Variants in NBEAL1 observed in about 807,000 individuals in gnomAD.
NBEAL1 encodes neurobeachin-like protein 1.
Under a neutral mutation model 351.3 loss-of-function variants are expected in NBEAL1, and 273 were observed. The ratio of observed to expected loss-of-function variants is 0.78; its 90% confidence interval spans 0.70 to 0.86. The LOEUF (loss-of-function observed/expected upper bound fraction) is 0.86. Among genes scored for constraint, NBEAL1 ranks in the 40% least tolerant of loss-of-function variants. The pLI is 0.00. For synonymous variants in NBEAL1, 1,050 were observed against 1,086.4 expected, an observed-to-expected ratio of 0.97 and a Z score of 0.66; for missense variants, 2,961 against 3,201.3, an observed-to-expected ratio of 0.92 and a Z score of 1.81.
chr2:203,180,475 A>G lies in NBEAL1; in HGVS notation c.6558A>G (p.Glu2186=). Residue 2186 remains glutamate, a synonymous_variant, in exon 43 of 56, where the codon GAA becomes GAG. Transcript: ENST00000683969. Reference sequence around the variant, plus strand: ...ATGATGTTAAAGAACTTATTCCTGAATTCTTCTATTTCCCAGAGTTTTTGG... The same window carrying G: ...ATGATGTTAAAGAACTTATTCCTGAGTTCTTCTATTTCCCAGAGTTTTTGG... ...NPYDVKELIP[E]FFYFPEFLEN... 1.9e-6 allele frequency: 3 copies of G among 1,611,564 alleles called. No homozygotes were observed. Among genetic ancestry groups the G allele is most frequent in the Non-Finnish European group, 2.5e-6 (3 of 1,178,968 alleles).
intron 2 of NBEAL1, among the ~76,000 whole-genome samples, chr2:203,035,408 A>G (rs1157726265): frequency 6.7e-6 from 1 of 149,460 alleles, no homozygotes; most frequent in Non-Finnish European, 1.5e-5. Context: ...AAAAAGAAAG[A>G]TTATTTGTCT....
At position 203,142,890 on chromosome 2, in the gene NBEAL1, G is replaced by T. The variant is rs183896185; in HGVS notation, c.4849-1710G>T. Among the ~76,000 whole-genome samples, 151 of 152,206 alleles carry T rather than the reference G, an allele frequency of 9.9e-4. 1 individual carries two copies. Among genetic ancestry groups the T allele is most frequent in the African/African-American group, 3.5e-3 (144 of 41,534 alleles). On this transcript the variant is annotated intron_variant, in intron 31 of 55. Coordinates refer to ENST00000683969, the MANE Select transcript of NBEAL1 (RefSeq NM_001378026.1). ...TGGGGGAAAATATGAGCAGGGTAGA[G>T]AAGTCAGAGCTTTGAGTCATGTTAG...
Position 203,223,339 on chromosome 2 carries a change from G to A in NBEAL1, c.*5985G>A, listed in dbSNP as rs2065970004. On this transcript the variant is annotated 3_prime_UTR_variant, in exon 56 of 56. Transcript: ENST00000683969. ...TCATGTTTCCTTGGAAACATATTTT[G>A]CAAATATAACAATAATAGTAATAAC... Among the ~76,000 whole-genome samples, 1 of 151,920 alleles carries A rather than the reference G, an allele frequency of 6.6e-6. No homozygotes were observed. The highest frequency in any genetic ancestry group is 6.6e-5 in the Admixed American group (1 of 15,244).
chr2:203,034,739 A>C (rs2061014047), intron 2 of NBEAL1, among the ~76,000 whole-genome samples: 1 of 148,584 alleles, frequency 6.7e-6, no homozygotes, highest in South Asian at 2.1e-4. Flanking sequence ...CAGGCCTGAG[A>C]CACTGTGCCT....
rs1271277964 is a variant in NBEAL1 at position 203,158,952 on chromosome 2, T to G, written c.5714+1127T>G. On this transcript the variant is annotated intron_variant, in intron 36 of 55. Transcript: ENST00000683969. Reference sequence around the variant, plus strand: ...CTCCTGCCGCAGCCTCCTGAGTAGCTGGGACTATAGGCACACCACCATGTC... The same window carrying G: ...CTCCTGCCGCAGCCTCCTGAGTAGCGGGGACTATAGGCACACCACCATGTC... Among the ~76,000 whole-genome samples, 8 of 151,544 alleles carry G rather than the reference T, an allele frequency of 5.3e-5. No homozygotes were observed. In the East Asian group the frequency reaches 1.6e-3, roughly 30 times the overall value.
At chr2:203,151,685 A>T in intron 35 of NBEAL1, 96 bp downstream of exon 35, 1 of 1,184,922 alleles carries the variant, frequency 8.4e-7, no homozygotes, top group East Asian at 2.8e-5. Context: ...GTGTTTACTT[A>T]TGAAGGAAGG....
At chr2:203,207,102 C>T (rs1249130832) in intron 51 of NBEAL1, among the ~76,000 whole-genome samples, 76 of 148,656 alleles carry the variant, frequency 5.1e-4, no homozygotes, top group Non-Finnish European at 6.1e-5. Flanking sequence ...GCGTCTCTGC[C>T]CGGCCGCCCC....
At position 203,197,286 on chromosome 2, in the gene NBEAL1, C is replaced by A; in HGVS notation, c.7039-16C>A. The A allele has an allele frequency of 6.8e-7, 1 of 1,462,520 alleles. No individual in the cohort carries two copies. The highest frequency in any genetic ancestry group is 1.2e-5 in the South Asian group (1 of 86,328). The allele number at this position is 1,462,520 out of a possible 1,614,324, so 90.6% of individuals were successfully genotyped here. On this transcript the variant is annotated splice_polypyrimidine_tract_variant and intron_variant, in intron 47 of 55. Transcript: ENST00000683969. ...AGATGAGCAGAACCAGCCACTAAAC[C>A]TCTTTTATTTTATAGGGGATTAGTG...
chr2:203,167,968 G>A (rs958173489), intron 38 of NBEAL1, among the ~76,000 whole-genome samples: 4 of 152,144 alleles, frequency 2.6e-5, no homozygotes, highest in African/African-American at 9.7e-5. Context: ...CATTTTAATT[G>A]TGTCTTGGCA....
chr2:203,139,955 T>G (rs2063325626), intron 31 of NBEAL1, among the ~76,000 whole-genome samples: 1 of 152,166 alleles, frequency 6.6e-6, no homozygotes, highest in Admixed American at 6.5e-5. Flanking sequence ...AATTCTATTT[T>G]TAATAGATAT....
chr2:203,122,105 C>T (rs2062845454), intron 18 of NBEAL1, 149 bp from the exon 19 acceptor site: 1 of 505,500 alleles, frequency 2.0e-6, no homozygotes, highest in Admixed American at 4.3e-5. Flanking sequence ...TCTTTTAAAA[C>T]AGAACAGCAA....
chr2:203,162,386 C>T (rs2063994122), intron 36 of NBEAL1, among the ~76,000 whole-genome samples: 1 of 151,976 alleles, frequency 6.6e-6, no homozygotes, highest in African/African-American at 2.4e-5. Flanking sequence ...AGCTATGTCC[C>T]AAATATATTA....
intron 55 of NBEAL1, chr2:203,213,887 A>G (rs375955120): frequency 1.6e-6 from 1 of 631,734 alleles, no homozygotes; most frequent in South Asian, 7.1e-5. Flanking sequence ...TAGGAATAAG[A>G]CAGTTCATTT....
chr2:203,036,565 A>C lies in NBEAL1; in HGVS notation c.52-5200A>C, dbSNP rs920983285. 4.7e-5 allele frequency among the ~76,000 whole-genome samples: 7 copies of C among 149,298 alleles called. 1 individual carries two copies. Among genetic ancestry groups the C allele is most frequent in the Non-Finnish European group, 7.5e-5 (5 of 66,612 alleles). On this transcript the variant is annotated intron_variant, in intron 2 of 55. Coordinates refer to ENST00000683969, the MANE Select transcript of NBEAL1 (RefSeq NM_001378026.1). ...TCTAACCTGTAAAATGAGGGAAATT[A>C]AATCTTCTTCATTGGATAGTTGTAA...
rs956840225 is a variant in NBEAL1 at position 203,107,821 on chromosome 2, T to A, written c.1582T>A (p.Leu528Met). The A allele has an allele frequency of 6.4e-7, 1 of 1,554,548 alleles. No homozygotes were observed. The highest frequency in any genetic ancestry group is 8.7e-7 in the Non-Finnish European group (1 of 1,147,828). The change falls in exon 14 of 56, where the codon TTG becomes ATG. Residue 528 changes from leucine (L) to methionine (M), a missense_variant. Physicochemically the swap from Leu to Met is conservative, Grantham distance 15. Coordinates refer to ENST00000683969, the MANE Select transcript of NBEAL1 (RefSeq NM_001378026.1). ...GATTAGAATCATTGAAACCCTTGAC[T>A]TGCATTCTTCCCTCCATCAAACTTG... Reference protein sequence around the residue: ...MGIRIIETLDLHSSLHQTCAE... With the variant: ...MGIRIIETLDMHSSLHQTCAE...
intron 35 of NBEAL1, among the ~76,000 whole-genome samples, chr2:203,155,088 A>G (rs1419145770): frequency 1.3e-5 from 2 of 151,670 alleles, no homozygotes; most frequent in African/African-American, 4.8e-5. Context: ...CTACAAAACA[A>G]ATTTTAAAAG....
chr2:203,062,851 C>T lies in NBEAL1; in HGVS notation c.515+5398C>T, dbSNP rs1258072504. ...ATGGAATTAGGAGAAATCCATTGCTCATGGAAGACCTATACAAAGGGATCT... is the reference window on the plus strand; with the variant it reads ...ATGGAATTAGGAGAAATCCATTGCTTATGGAAGACCTATACAAAGGGATCT... On this transcript the variant is annotated intron_variant, in intron 6 of 55. Coordinates refer to ENST00000683969, the MANE Select transcript of NBEAL1 (RefSeq NM_001378026.1). This position sits in a 1 kb window ranked among gnomAD's most constrained non-coding sequence, Gnocchi z 4.2. 2.0e-5 allele frequency among the ~76,000 whole-genome samples: 3 copies of T among 152,050 alleles called. No homozygotes were observed. Among genetic ancestry groups the T allele is most frequent in the African/African-American group, 7.2e-5 (3 of 41,404 alleles).
intron 20 of NBEAL1, 84 bp downstream of exon 20, chr2:203,125,604 T>C: frequency 8.1e-7 from 1 of 1,229,008 alleles, no homozygotes; most frequent in Non-Finnish European, 1.1e-6. Context: ...TTACTGTCAT[T>C]AGGAAGAAAC....
At chr2:203,049,611 A>G (rs1405785639) in intron 3 of NBEAL1, among the ~76,000 whole-genome samples, 1 of 152,116 alleles carries the variant, frequency 6.6e-6, no homozygotes, top group Non-Finnish European at 1.5e-5. Flanking sequence ...TCTAGTTACT[A>G]ATCTTCTAGT....
Sources: allele counts gnomAD v4.1 joint callset (sites outside exome capture counted in the v4.1 genomes callset), GRCh38; gene constraint gnomAD v4.1.1; non-coding constraint Gnocchi (gnomAD v3.1); transcripts MANE v1.5; gene names NCBI Gene and HGNC (gene_info 2026-07-23, HGNC 2026-07-21).